IMPG2: variants seen among roughly 807,000 people sequenced by gnomAD.
IMPG2 encodes IPM 200.
IMPG2 carries 91 observed loss-of-function variants against 129.2 expected under a neutral mutation model. That is an observed-to-expected ratio of 0.70 (90% CI 0.59 to 0.84). IMPG2 has a LOEUF of 0.84. Ranked by LOEUF, IMPG2 falls within the 40% of genes least tolerant of loss-of-function variation. The pLI, the probability that IMPG2 is intolerant of heterozygous loss-of-function variation, is 0.00. For missense variants in IMPG2, 1,430 were observed against 1,461.7 expected (o/e 0.98, Z 0.35); for synonymous variants, 510 against 517.7 (o/e 0.99, Z 0.20).
At chr3:101,319,899 A>T in intron 1 of IMPG2, 67 bp from the exon 2 acceptor site, 1 of 1,511,946 alleles carries the variant, frequency 6.6e-7, no homozygotes, top group Admixed American at 1.7e-5. Context: ...ACAACTAAAG[A>T]AAAACTGACA....
Position 101,236,302 on chromosome 3 carries a change from C to T in IMPG2, c.3023-3311G>A, listed in dbSNP as rs140581655. On this transcript the variant is annotated intron_variant, in intron 14 of 18. Transcript: ENST00000193391. ...ATACTGCACAGGGGTGGGGCTAATG[C>T]CAGCTAATTTGAATATTAAAAGTAA... Among the ~76,000 whole-genome samples the T allele has an allele frequency of 2.0e-3, 301 of 152,242 alleles. 2 individuals are homozygous for T. Among genetic ancestry groups the T allele is most frequent in the African/African-American group, 6.8e-3 (282 of 41,538 alleles).
chr3:101,306,066 G>A (rs747571870), intron 2 of IMPG2, among the ~76,000 whole-genome samples: 8 of 152,266 alleles, frequency 5.3e-5, no homozygotes, highest in Non-Finnish European at 7.3e-5. Context: ...CTAAGTTCCC[G>A]CTCTAGCTTT....
intron 9 of IMPG2, among the ~76,000 whole-genome samples, chr3:101,264,976 TA>T (rs1302485010): frequency 6.6e-6 from 1 of 151,396 alleles, no homozygotes; most frequent in African/African-American, 2.4e-5. Context: ...TACGTAAAAA[TA>T]AATTTAACCA....
intron 2 of IMPG2, among the ~76,000 whole-genome samples, chr3:101,310,904 A>T (rs1361421877): frequency 6.6e-6 from 1 of 152,092 alleles, no homozygotes; most frequent in Non-Finnish European, 1.5e-5. Context: ...ACCTCCTATA[A>T]AAAGCTCTCT....
intron 2 of IMPG2, among the ~76,000 whole-genome samples, chr3:101,310,591 A>G (rs1178826378): frequency 1.8e-5 from 2 of 113,648 alleles, no homozygotes; most frequent in African/African-American, 3.2e-5. Context: ...AAAAAAAAAG[A>G]TGGTTACAGA....
At chr3:101,284,013 T>G (rs2107120342) in intron 4 of IMPG2, among the ~76,000 whole-genome samples, 1 of 152,276 alleles carries the variant, frequency 6.6e-6, no homozygotes, top group South Asian at 2.1e-4. Context: ...GTGGTGGCAG[T>G]GAAGATGGTG....
intron 14 of IMPG2, among the ~76,000 whole-genome samples, chr3:101,239,178 T>A (rs766217529): frequency 6.6e-6 from 1 of 152,104 alleles, no homozygotes; most frequent in Non-Finnish European, 1.5e-5. Context: ...ATTTTTGCAA[T>A]CTATCCATCT....
intron 3 of IMPG2, among the ~76,000 whole-genome samples, chr3:101,294,367 T>C (rs1463127823): frequency 6.6e-6 from 1 of 152,124 alleles, no homozygotes; most frequent in Non-Finnish European, 1.5e-5. Flanking sequence ...CCTGGGTTAG[T>C]ATGCTGAGGA....
chr3:101,279,863 C>A (rs1204454251), intron 4 of IMPG2, among the ~76,000 whole-genome samples: 1 of 152,288 alleles, frequency 6.6e-6, no homozygotes, highest in East Asian at 1.9e-4. Flanking sequence ...CTTGCCTACA[C>A]TCCAACTCTT....
chr3:101,257,795 A>T (rs991649436), intron 9 of IMPG2, 22 bp from the exon 10 acceptor site: 8 of 1,612,666 alleles, frequency 5.0e-6, no homozygotes, highest in Middle Eastern at 1.7e-4. Flanking sequence ...AAGAGAGAAC[A>T]GGTTAGGTTC....
At chr3:101,242,600 G>T in intron 14 of IMPG2, 88 bp downstream of exon 14, 1 of 974,914 alleles carries the variant, frequency 1.0e-6, no homozygotes, top group Non-Finnish European at 1.7e-6. Flanking sequence ...TGCAAGTATT[G>T]GATTCACCTT....
At chr3:101,310,516 C>T (rs1168506016) in intron 2 of IMPG2, among the ~76,000 whole-genome samples, 1 of 146,828 alleles carries the variant, frequency 6.8e-6, no homozygotes, top group African/African-American at 2.6e-5. Context: ...GGTGTAATCA[C>T]ACCACTGCAC....
chr3:101,272,230 G>C (rs904947333), intron 7 of IMPG2, among the ~76,000 whole-genome samples: 7 of 152,082 alleles, frequency 4.6e-5, no homozygotes, highest in Admixed American at 4.6e-4. Flanking sequence ...AGAAGCTGAG[G>C]GAAAAATCCA....
At chr3:101,299,389 C>T (rs547970671) in intron 3 of IMPG2, among the ~76,000 whole-genome samples, 50 of 152,356 alleles carry the variant, frequency 3.3e-4, no homozygotes, top group South Asian at 2.9e-3. Flanking sequence ...AAGCCTACTT[C>T]TGTCAATTCA....
intron 14 of IMPG2, among the ~76,000 whole-genome samples, chr3:101,236,768 G>T (rs1706350454): frequency 6.6e-6 from 1 of 152,184 alleles, no homozygotes; most frequent in Admixed American, 6.5e-5. Context: ...AAAAAACTGG[G>T]CGGCCATTTG....
At chr3:101,289,042 T>C (rs1366428257) in intron 4 of IMPG2, among the ~76,000 whole-genome samples, 1 of 152,210 alleles carries the variant, frequency 6.6e-6, no homozygotes, top group Non-Finnish European at 1.5e-5. Context: ...ACACAGTTCA[T>C]TTCCTCAAGA....
rs190091042 is a variant in IMPG2, at chr3:101,247,173, C to T, written c.1240-1068G>A. 2.0e-5 allele frequency among the ~76,000 whole-genome samples: 3 copies of T among 152,058 alleles called. No homozygotes were observed. The East Asian group carries it at 5.8e-4, about 29-fold the overall frequency. ...GTATTTGGCAGAAGTTTATATAGTT[C>T]AGTCTATTCTGGATTCTGAATAACA... On this transcript the variant is annotated intron_variant, in intron 11 of 18. Coordinates refer to ENST00000193391, the MANE Select transcript of IMPG2 (RefSeq NM_016247.4).
chr3:101,273,607 G>T lies in IMPG2; in HGVS notation c.802C>A (p.His268Asn). The part of the protein sequence containing the change: ...LQDSSSFHHQ[H>N]LEEEFISEVE... ...TCTGAAATAAATTCTTCTTCAAGGTGCTGGTGGTGAAAGCTGGAGGAATCC... is the reference window on the plus strand; with the variant it reads ...TCTGAAATAAATTCTTCTTCAAGGTTCTGGTGGTGAAAGCTGGAGGAATCC... The change falls in exon 7 of 19, where the codon CAC becomes AAC. Residue 268 changes from histidine to asparagine, a missense_variant. By Grantham distance (68) the His-to-Asn change is moderately conservative. Coordinates refer to ENST00000193391, the MANE Select transcript of IMPG2 (RefSeq NM_016247.4). The T allele has an allele frequency of 1.9e-6, 3 of 1,613,928 alleles. No individual in the cohort carries two copies. The highest frequency in any genetic ancestry group is 2.5e-6 in the Non-Finnish European group (3 of 1,179,986).
At chr3:101,320,081 AAAGT>A (rs1288732729) in intron 1 of IMPG2, among the ~76,000 whole-genome samples, 1 of 152,150 alleles carries the variant, frequency 6.6e-6, no homozygotes, top group Non-Finnish European at 1.5e-5. Context: ...AAAATAAATA[AAAGT>A]AAGGTTTAAA....
Sources: gnomAD v4.1 joint callset for allele counts (sites outside exome capture counted in the v4.1 genomes callset) on GRCh38, gnomAD v4.1.1 for gene constraint, MANE v1.5 for transcripts, NCBI Gene and HGNC (gene_info 2026-07-23, HGNC 2026-07-21) for gene names.